Variants in VPS35L observed in about 807,000 individuals in gnomAD.
VPS35L encodes VPS35 endosomal protein-sorting factor-like.
Under a neutral mutation model 133.0 loss-of-function variants are expected in VPS35L, and 83 were observed. The observed-to-expected ratio is 0.62, with a 90% confidence interval of 0.52 to 0.75. VPS35L has a LOEUF of 0.75. VPS35L is among the 30% of genes least tolerant of loss of function. The pLI, the probability that VPS35L is intolerant of heterozygous loss-of-function variation, is 0.00. For missense variants in VPS35L, 1,083 were observed against 1,206.8 expected (o/e 0.90, Z 1.52); for synonymous variants, 423 against 449.9 (o/e 0.94, Z 0.76).
intron 1 of VPS35L, among the ~76,000 whole-genome samples, chr16:19,562,164 G>GTCTCATTATATATATA (rs1224479550): frequency 2.0e-5 from 3 of 152,218 alleles, no homozygotes; most frequent in Non-Finnish European, 4.4e-5. Context: ...CTTTATTCCG[G>GTCTCATTATATATATA]GGGGCTACTA....
chr16:19,683,483 T>C (rs1163910919), intron 28 of VPS35L, among the ~76,000 whole-genome samples: 1 of 152,190 alleles, frequency 6.6e-6, no homozygotes, highest in Non-Finnish European at 1.5e-5. Context: ...CCAATGTCTG[T>C]TGTTTCCATC....
chr16:19,686,238 C>T lies in VPS35L; in HGVS notation c.2527+3848C>T, dbSNP rs144344931. Among the ~76,000 whole-genome samples, 12 of 152,206 alleles carry T rather than the reference C, an allele frequency of 7.9e-5. No homozygotes were observed. In the East Asian group the frequency reaches 1.4e-3, roughly 17 times the overall value. On this transcript the variant is annotated intron_variant, in intron 28 of 30. Transcript: ENST00000417362. ...TCCTCATTCTAGGGAGGCTTTTAGACGATGTTGACACAGCTTAGAACTTGG... is the reference window on the plus strand; with the variant it reads ...TCCTCATTCTAGGGAGGCTTTTAGATGATGTTGACACAGCTTAGAACTTGG...
intron 21 of VPS35L, 63 bp from the exon 22 acceptor site, chr16:19,642,333 A>T: frequency 7.1e-7 from 1 of 1,401,112 alleles, no homozygotes; most frequent in South Asian, 1.2e-5. Context: ...ATGAAAACTG[A>T]ATCCACTCTT....
At chr16:19,598,261 A>C (rs976294175) in intron 8 of VPS35L, among the ~76,000 whole-genome samples, 1 of 152,174 alleles carries the variant, frequency 6.6e-6, no homozygotes, top group Non-Finnish European at 1.5e-5. Context: ...GGCAGGATTA[A>C]AGTAAATGAC....
intron 25 of VPS35L, among the ~76,000 whole-genome samples, chr16:19,651,083 T>C (rs1974109322): frequency 6.6e-6 from 1 of 152,160 alleles, no homozygotes. Context: ...GGTTTCACCA[T>C]GTTGGCCAGG....
At chr16:19,561,235 GT>G (rs1971019833) in intron 1 of VPS35L, among the ~76,000 whole-genome samples, 1 of 152,126 alleles carries the variant, frequency 6.6e-6, no homozygotes, top group Non-Finnish European at 1.5e-5. Context: ...GCCGGGTGTG[GT>G]GGCGGGCGCC....
At chr16:19,658,746 T>C (rs72767597) in intron 26 of VPS35L, among the ~76,000 whole-genome samples, 31,095 of 151,830 alleles carry the variant, frequency 0.2, 3,926 homozygotes, top group Non-Finnish European at 0.27. Context: ...CTTGTTATTA[T>C]ACTGAAGTAA....
At chr16:19,647,631 C>T (rs1029908397) in intron 23 of VPS35L, among the ~76,000 whole-genome samples, 153 bp from the exon 24 acceptor site, 1 of 152,206 alleles carries the variant, frequency 6.6e-6, no homozygotes, top group Non-Finnish European at 1.5e-5. Context: ...ACACTCTGAG[C>T]TTCTGTTTTA....
rs74011446 is a variant in VPS35L at position 19,599,536 on chromosome 16, A to C, written c.725-2128A>C. Among the ~76,000 whole-genome samples, 151 of 136,308 alleles carry C rather than the reference A, an allele frequency of 1.1e-3. No homozygotes were observed. In the Middle Eastern group the frequency reaches 0.014, roughly 13 times the overall value. 89.4% of individuals were successfully genotyped at this position (136,308 alleles called of 152,430 possible). ...ATTCCTAGTCCTCATCCTCCAAAAT[A>C]CTTTTTTTTTTTTTTTAAAGACAGT... On this transcript the variant is annotated intron_variant, in intron 8 of 30. Transcript: ENST00000417362.
intron 26 of VPS35L, among the ~76,000 whole-genome samples, chr16:19,654,310 T>A (rs986170563): frequency 6.6e-6 from 1 of 152,064 alleles, no homozygotes; most frequent in African/African-American, 2.4e-5. Flanking sequence ...TGTGTTTGTT[T>A]ACTTGCTTAT....
At chr16:19,687,770 G>A (rs1975514084) in intron 28 of VPS35L, among the ~76,000 whole-genome samples, 1 of 152,084 alleles carries the variant, frequency 6.6e-6, no homozygotes, top group South Asian at 2.1e-4. Context: ...CAACAAGCAA[G>A]AGAGCTTGCA....
At chr16:19,610,223 C>A in intron 11 of VPS35L, 99 bp from the exon 12 acceptor site, 3 of 1,016,870 alleles carry the variant, frequency 3.0e-6, no homozygotes, top group South Asian at 3.2e-5. Context: ...TTTTCCCCCC[C>A]TCCCTGAAAT....
chr16:19,584,189 T>C (rs752607298), intron 7 of VPS35L, among the ~76,000 whole-genome samples: 8 of 152,240 alleles, frequency 5.3e-5, no homozygotes, highest in Non-Finnish European at 8.8e-5. Flanking sequence ...TTCTTTGATA[T>C]ACTGATTTTC....
At chr16:19,614,046 T>G (rs1972810574) in intron 12 of VPS35L, among the ~76,000 whole-genome samples, 1 of 151,388 alleles carries the variant, frequency 6.6e-6, no homozygotes. Flanking sequence ...GGGGGGAGCT[T>G]GAAGCTGTTA....
chr16:19,668,710 C>G (rs1202018985), intron 26 of VPS35L, among the ~76,000 whole-genome samples: 2 of 151,994 alleles, frequency 1.3e-5, no homozygotes, highest in Non-Finnish European at 2.9e-5. Flanking sequence ...AGCTGCAGCT[C>G]TACTACCAAC....
At position 19,651,968 on chromosome 16, in the gene VPS35L, TCTC is replaced by T. The variant is rs1974142416; in HGVS notation, c.2107-5_2107-3del. Reference sequence around the variant, plus strand: ...CTGCTAGCGTTAATGTTTCTTCCCTTCTCCTAGGCCTGTGTTGCCTACTGCTTC... The same window carrying T: ...CTGCTAGCGTTAATGTTTCTTCCCTTCTAGGCCTGTGTTGCCTACTGCTTC... On this transcript the variant is annotated splice_polypyrimidine_tract_variant and splice_region_variant and intron_variant, in intron 25 of 30. Coordinates refer to ENST00000417362, the MANE Select transcript of VPS35L (RefSeq NM_020314.7). The T allele has an allele frequency of 6.3e-7, 1 of 1,576,496 alleles. No homozygotes were observed. The highest frequency in any genetic ancestry group is 8.7e-7 in the Non-Finnish European group (1 of 1,146,726).
intron 20 of VPS35L, among the ~76,000 whole-genome samples, chr16:19,638,306 T>A (rs1973682892): frequency 6.6e-6 from 1 of 152,218 alleles, no homozygotes; most frequent in South Asian, 2.1e-4. Context: ...CTCCAAGCAC[T>A]GTTCTGGGAC....
At chr16:19,661,301 A>C (rs1974479724) in intron 26 of VPS35L, among the ~76,000 whole-genome samples, 1 of 152,118 alleles carries the variant, frequency 6.6e-6, no homozygotes, top group South Asian at 2.1e-4. Flanking sequence ...CCTGTTGAAA[A>C]ATATATGAAC....
At chr16:19,601,807 C>A in intron 9 of VPS35L, 84 bp downstream of exon 9, 1 of 1,398,188 alleles carries the variant, frequency 7.2e-7, no homozygotes, top group Non-Finnish European at 9.9e-7. Flanking sequence ...TTCATTGAAG[C>A]TTGATAAAGG....
Sources: gnomAD v4.1 joint callset for allele counts (sites outside exome capture counted in the v4.1 genomes callset) on GRCh38, gnomAD v4.1.1 for gene constraint, MANE v1.5 for transcripts, NCBI Gene and HGNC (gene_info 2026-07-23, HGNC 2026-07-21) for gene names.